PGD: variants seen among roughly 807,000 people sequenced by gnomAD.
PGD encodes 6-phosphogluconate dehydrogenase, decarboxylating.
A neutral mutation model predicts 60.4 loss-of-function variants in PGD; 21 were observed. The ratio of observed to expected loss-of-function variants is 0.35; its 90% confidence interval spans 0.25 to 0.50. The LOEUF (loss-of-function observed/expected upper bound fraction) is 0.50, where lower values mean the gene tolerates loss of function less well. PGD is among the 20% of genes least tolerant of loss of function. The pLI, the probability that PGD is intolerant of heterozygous loss-of-function variation, is 0.98. For synonymous variants in PGD, 230 were observed against 235.9 expected, an observed-to-expected ratio of 0.97 and a Z score of 0.23; for missense variants, 477 against 613.1, an observed-to-expected ratio of 0.78 and a Z score of 2.34.
At chr1:10,418,210 T>C (rs1639629024) in intron 10 of PGD, among the ~76,000 whole-genome samples, 2 of 152,228 alleles carry the variant, frequency 1.3e-5, no homozygotes, top group African/African-American at 4.8e-5. Context: ...TTTTCTGAAG[T>C]AGATGATTCT....
chr1:10,410,227 G>A (rs1184876288), intron 6 of PGD, among the ~76,000 whole-genome samples: 1 of 152,090 alleles, frequency 6.6e-6, no homozygotes, highest in Non-Finnish European at 1.5e-5. Context: ...GAGGTGAGTG[G>A]ATCACCTGAG....
At position 10,404,141 on chromosome 1, in the gene PGD, A is replaced by G; in HGVS notation, c.331-20A>G. 2 of 1,516,424 alleles carry G rather than the reference A, an allele frequency of 1.3e-6. No individual in the cohort carries two copies. Among genetic ancestry groups the G allele is most frequent in the Non-Finnish European group, 1.8e-6 (2 of 1,104,578 alleles). 93.9% of individuals were successfully genotyped at this position (1,516,424 alleles called of 1,614,324 possible). On this transcript the variant is annotated intron_variant, in intron 4 of 12. Coordinates refer to ENST00000270776, the MANE Select transcript of PGD (RefSeq NM_002631.4). ...TAATGAAACATGGAAGCATAATGAAATTATTTTTCTGTCCTTCAGAGACGG... is the reference window on the plus strand; with the variant it reads ...TAATGAAACATGGAAGCATAATGAAGTTATTTTTCTGTCCTTCAGAGACGG...
At position 10,404,236 on chromosome 1, in the gene PGD, C is replaced by G; in HGVS notation, c.406C>G (p.Arg136Gly). Residue 136 changes from arginine (R) to glycine (G), a missense_variant, in exon 5 of 13, where the codon CGG becomes GGG. By Grantham distance (125) the Arg-to-Gly change is moderately radical. Coordinates refer to ENST00000270776, the MANE Select transcript of PGD (RefSeq NM_002631.4). ...AGTCAGTGGTGGAGAGGAAGGGGCCCGGTATGGCCCATCGCTCATGCCAGG... is the reference window on the plus strand; with the variant it reads ...AGTCAGTGGTGGAGAGGAAGGGGCCGGGTATGGCCCATCGCTCATGCCAGG... ...SGVSGGEEGA[R>G]YGPSLMPGGN... 2 of 1,613,676 alleles carry G rather than the reference C, an allele frequency of 1.2e-6. No homozygotes were observed. Among genetic ancestry groups the G allele is most frequent in the South Asian group, 1.1e-5 (1 of 91,048 alleles).
At position 10,417,429 on chromosome 1, in the gene PGD, G is replaced by A; in HGVS notation, c.1029G>A (p.Arg343=). 6.2e-7 allele frequency: 1 copy of A among 1,613,912 alleles called. No individual in the cohort carries two copies. The highest frequency in any genetic ancestry group is 8.5e-7 in the Non-Finnish European group (1 of 1,179,904). The change falls in exon 10 of 13, where the codon AGG becomes AGA. Residue 343 remains arginine (R), a synonymous_variant. Coordinates refer to ENST00000270776, the MANE Select transcript of PGD (RefSeq NM_002631.4). ...ACGCTCAAGGCTTTATGCTGCTAAG[G>A]CAGGCAGCCACCGAGTTTGGCTGGA... ...ISYAQGFMLL[R]QAATEFGWTL...
chr1:10,412,390 C>T (rs1639514380), intron 7 of PGD, among the ~76,000 whole-genome samples: 1 of 152,170 alleles, frequency 6.6e-6, no homozygotes. Context: ...TATAGCTTTC[C>T]AGATTTTTTG....
chr1:10,402,240 C>G (rs1415958158), intron 3 of PGD, among the ~76,000 whole-genome samples: 3 of 152,022 alleles, frequency 2.0e-5, no homozygotes, highest in African/African-American at 7.2e-5. Context: ...AATCTGTATA[C>G]TTACTTAAAA....
intron 5 of PGD, 66 bp downstream of exon 5, chr1:10,404,345 A>G: frequency 9.8e-7 from 1 of 1,024,696 alleles, no homozygotes; most frequent in Non-Finnish European, 1.4e-6. Flanking sequence ...CGAATAAGCC[A>G]GGAGCAGTTC....
Position 10,404,068 on chromosome 1 carries a change from C to G in PGD, c.331-93C>G. 4.6e-6 allele frequency: 4 copies of G among 869,934 alleles called. No individual in the cohort carries two copies. The East Asian group carries it at 1.0e-4, about 22-fold the overall frequency. 53.9% of individuals were successfully genotyped at this position (869,934 alleles called of 1,614,324 possible). Reference sequence around the variant, plus strand: ...TCCATTCCTATCTTATACTTCCTCTCATTTATAAGGGAAACATTTTTGGGT... The same window carrying G: ...TCCATTCCTATCTTATACTTCCTCTGATTTATAAGGGAAACATTTTTGGGT... On this transcript the variant is annotated intron_variant, in intron 4 of 12. Coordinates refer to ENST00000270776, the MANE Select transcript of PGD (RefSeq NM_002631.4).
chr1:10,406,044 G>A (rs1030387114), intron 5 of PGD, among the ~76,000 whole-genome samples: 17 of 151,958 alleles, frequency 1.1e-4, no homozygotes, highest in African/African-American at 2.9e-4. Flanking sequence ...TAGTAGAGAC[G>A]GGGTTTCACC....
chr1:10,413,686 A>G (rs915777475), intron 8 of PGD, among the ~76,000 whole-genome samples: 3 of 152,254 alleles, frequency 2.0e-5, no homozygotes, highest in East Asian at 1.9e-4. Context: ...CGGGTGGATC[A>G]TGAGGTCAGG....
rs1310246734 is a variant in PGD, at chr1:10,411,014, A to G, written c.520-404A>G. Among the ~76,000 whole-genome samples the G allele has an allele frequency of 4.6e-5, 7 of 152,066 alleles. No homozygotes were observed. In the South Asian group the frequency reaches 1.0e-3, roughly 23 times the overall value. Reference sequence around the variant, plus strand: ...AAAAAACAAGTGATTTAATTGGCCAATATATTTTAACCTCTAGTTGCTAGA... The same window carrying G: ...AAAAAACAAGTGATTTAATTGGCCAGTATATTTTAACCTCTAGTTGCTAGA... On this transcript the variant is annotated intron_variant, in intron 6 of 12. Transcript: ENST00000270776.
At chr1:10,399,289 C>G (rs1639268156) in intron 1 of PGD, among the ~76,000 whole-genome samples, 164 bp downstream of exon 1, 1 of 152,332 alleles carries the variant, frequency 6.6e-6, no homozygotes, top group Non-Finnish European at 1.5e-5. Flanking sequence ...GCCCAGAGCT[C>G]CTTCCCTGCG....
At chr1:10,418,342 A>G (rs1395798284) in intron 10 of PGD, among the ~76,000 whole-genome samples, 2 of 152,232 alleles carry the variant, frequency 1.3e-5, no homozygotes, top group Non-Finnish European at 2.9e-5. Context: ...GTGTTTATGT[A>G]AAATTAAATG....
chr1:10,401,919 G>T (rs1293208602), intron 3 of PGD, among the ~76,000 whole-genome samples: 1 of 152,168 alleles, frequency 6.6e-6, no homozygotes, highest in Non-Finnish European at 1.5e-5. Flanking sequence ...GGAGGCTGAG[G>T]CAGGAGAGTG....
chr1:10,410,450 AAAAG>A (rs1365559094), intron 6 of PGD, among the ~76,000 whole-genome samples: 1 of 152,046 alleles, frequency 6.6e-6, no homozygotes, highest in Non-Finnish European at 1.5e-5. Flanking sequence ...TCAAAAAAAA[AAAAG>A]AAACACGGAC....
chr1:10,402,987 T>C, intron 3 of PGD, 84 bp from the exon 4 acceptor site: 1 of 940,262 alleles, frequency 1.1e-6, no homozygotes, highest in South Asian at 1.3e-5. Context: ...AGACTATGTT[T>C]ATTTGGAATA....
intron 7 of PGD, among the ~76,000 whole-genome samples, chr1:10,411,879 G>T (rs1184812014): frequency 6.6e-6 from 1 of 152,194 alleles, no homozygotes; most frequent in East Asian, 1.9e-4. Flanking sequence ...TTTCTTTCCT[G>T]ATCAAGTTGG....
chr1:10,411,634 T>G, intron 7 of PGD, 82 bp downstream of exon 7: 1 of 1,548,718 alleles, frequency 6.5e-7, no homozygotes, highest in Non-Finnish European at 8.8e-7. Context: ...TCTTCATTCC[T>G]ATCCCCTTGG....
intron 3 of PGD, among the ~76,000 whole-genome samples, chr1:10,401,616 A>G (rs1192314687): frequency 6.6e-6 from 1 of 152,256 alleles, no homozygotes; most frequent in Non-Finnish European, 1.5e-5. Context: ...AGCTGCCTGT[A>G]ATCAGTTTCA....
Sources: allele counts gnomAD v4.1 joint callset (sites outside exome capture counted in the v4.1 genomes callset), GRCh38; gene constraint gnomAD v4.1.1; transcripts MANE v1.5; gene names NCBI Gene and HGNC (gene_info 2026-07-23, HGNC 2026-07-21).